Variants in POLR3C observed in about 807,000 individuals in gnomAD.
POLR3C encodes DNA-directed RNA polymerase III subunit RPC3.
In POLR3C, 44 loss-of-function variants were observed where a neutral mutation model predicts 65.9. The observed-to-expected ratio is 0.67, with a 90% CI of 0.52 to 0.86. The LOEUF (loss-of-function observed/expected upper bound fraction) is 0.86, where lower values mean the gene tolerates loss of function less well. POLR3C is among the 40% of genes least tolerant of loss of function. The probability of loss-of-function intolerance (pLI) is 0.00; values close to 1 mark genes in which losing one functional copy is unlikely to be tolerated. For missense variants in POLR3C, 576 were observed against 653.2 expected, an observed-to-expected ratio of 0.88 and a Z score of 1.29; for synonymous variants, 263 against 231.6, an observed-to-expected ratio of 1.14 and a Z score of -1.23.
intron 11 of POLR3C, 68 bp from the exon 12 acceptor site, chr1:145,839,822 T>A (rs1652147302): frequency 5.9e-6 from 5 of 841,452 alleles, no homozygotes; most frequent in Non-Finnish European, 1.0e-5. Context: ...CCAGGTAGAA[T>A]GAGTGTGTGC....
intron 1 of POLR3C, among the ~76,000 whole-genome samples, chr1:145,825,232 C>T (rs931125367): frequency 6.6e-6 from 1 of 152,172 alleles, no homozygotes; most frequent in East Asian, 1.9e-4. Context: ...TCTCAGCCTC[C>T]CTAGTAGCTG....
intron 13 of POLR3C, 110 bp downstream of exon 13, chr1:145,840,275 C>T (rs1652187105): frequency 1.4e-6 from 1 of 738,068 alleles, no homozygotes; most frequent in Non-Finnish European, 2.4e-6. Context: ...CAGGGTGGCT[C>T]ATGCCTGTAA....
chr1:145,841,573 T>C (rs1652296240), intron 14 of POLR3C, among the ~76,000 whole-genome samples: 1 of 152,264 alleles, frequency 6.6e-6, no homozygotes, highest in African/African-American at 2.4e-5. Flanking sequence ...TTTTTTTGGA[T>C]ACTAGTTTAG....
At chr1:145,826,368 C>A in intron 2 of POLR3C, 86 bp from the exon 3 acceptor site, 1 of 1,166,050 alleles carries the variant, frequency 8.6e-7, no homozygotes, top group Non-Finnish European at 1.3e-6. Context: ...CTGATGCTTA[C>A]TAAGCTGTTG....
In POLR3C at chr1:145,833,290, G is replaced by C. The variant is rs1413914008; in HGVS notation, c.709G>C (p.Ala237Pro). 1 of 1,612,882 alleles carries C rather than the reference G, an allele frequency of 6.2e-7. No homozygotes were observed. Among genetic ancestry groups the C allele is most frequent in the Non-Finnish European group, 8.5e-7 (1 of 1,179,094 alleles). Residue 237 changes from alanine to proline, a missense_variant, in exon 6 of 15, where the codon GCC (alanine) becomes CCC (proline). Ala to Pro is a conservative substitution (Grantham distance 27). Transcript: ENST00000334163. ...TCCAGATGATGGGATTTATTGGCAG[G>C]CCAACCTTGACAGATTCCACCAACA... The part of the protein sequence containing the change: ...PIPDDGIYWQ[A>P]NLDRFHQHFR...
At chr1:145,834,797 A>G (rs1039815255) in intron 7 of POLR3C, among the ~76,000 whole-genome samples, 2 of 152,132 alleles carry the variant, frequency 1.3e-5, no homozygotes, top group Admixed American at 6.5e-5. Context: ...AAAATGTTAT[A>G]TGGTGCATGA....
At chr1:145,825,430 A>G (rs782184758) in intron 1 of POLR3C, among the ~76,000 whole-genome samples, 12 of 152,196 alleles carry the variant, frequency 7.9e-5, no homozygotes, top group Non-Finnish European at 1.6e-4. Context: ...AATTTTCTAC[A>G]TGAATACGCA....
chr1:145,828,889 G>C, intron 5 of POLR3C, 52 bp downstream of exon 5: 1 of 957,370 alleles, frequency 1.0e-6, no homozygotes. Context: ...GCCAGAAAGA[G>C]CACTCAGATA....
chr1:145,844,299 G>A lies in POLR3C; in HGVS notation c.*1879G>A, dbSNP rs587760720. On this transcript the variant is annotated 3_prime_UTR_variant, in exon 15 of 15. Transcript: ENST00000334163. ...CAATAGATGAAAGGCTAAAGAAAAT[G>A]TATTATTCAGCCATAAGAATGAATG... Among the ~76,000 whole-genome samples, 1 of 152,272 alleles carries A rather than the reference G, an allele frequency of 6.6e-6. No individual in the cohort carries two copies. Among genetic ancestry groups the A allele is most frequent in the African/African-American group, 2.4e-5 (1 of 41,552 alleles).
Position 145,826,407 on chromosome 1 carries a change from A to G in POLR3C, c.148-47A>G, listed in dbSNP as rs148280903. 5.0e-4 allele frequency: 788 copies of G among 1,589,654 alleles called. 2 individuals carry two copies. The African/African-American group carries it at 9.3e-3, about 19-fold the overall frequency. On this transcript the variant is annotated intron_variant, in intron 2 of 14. Coordinates refer to ENST00000334163, the MANE Select transcript of POLR3C (RefSeq NM_006468.8). ...AAAAAATTGCCAGCAGTAATGAGCTATATCTTCAGGTCTTTCCTCTCTTTC... is the reference window on the plus strand; with the variant it reads ...AAAAAATTGCCAGCAGTAATGAGCTGTATCTTCAGGTCTTTCCTCTCTTTC...
At chr1:145,831,530 AAGAG>A (rs1372342662) in intron 5 of POLR3C, among the ~76,000 whole-genome samples, 39 of 151,408 alleles carry the variant, frequency 2.6e-4, no homozygotes, top group South Asian at 1.0e-3. Context: ...AAAAAAAAAA[AAGAG>A]AGAGTTCTAG....
Position 145,842,394 on chromosome 1 carries a change from A to G in POLR3C, c.1579A>G (p.Ile527Val). 2 of 1,610,160 alleles carry G rather than the reference A, an allele frequency of 1.2e-6. No individual in the cohort carries two copies. The highest frequency in any genetic ancestry group is 1.7e-6 in the Non-Finnish European group (2 of 1,176,804). The change falls in exon 15 of 15, where the codon ATT becomes GTT. Residue 527 changes from isoleucine (I) to valine (V), a missense_variant. Physicochemically the swap from Ile to Val is conservative, Grantham distance 29. Coordinates refer to ENST00000334163, the MANE Select transcript of POLR3C (RefSeq NM_006468.8). Reference protein sequence around the residue: ...DETIFLLESYIECTMKRQ With the variant: ...DETIFLLESYVECTMKRQ Reference sequence around the variant, plus strand: ...AACCATCTTCCTGCTGGAGTCTTACATTGAGTGCACCATGAAGAGACAGTG... The same window carrying G: ...AACCATCTTCCTGCTGGAGTCTTACGTTGAGTGCACCATGAAGAGACAGTG...
At chr1:145,838,779 T>A (rs587698217) in intron 11 of POLR3C, among the ~76,000 whole-genome samples, 1 of 152,314 alleles carries the variant, frequency 6.6e-6, no homozygotes, top group East Asian at 1.9e-4. Flanking sequence ...ATTTCTGTCC[T>A]TCCTTAAGCC....
chr1:145,840,633 A>C lies in POLR3C; in HGVS notation c.1374-289A>C, dbSNP rs1010277861. ...TCATTGGCTTAGATTAGTGTAAATC[A>C]TGCATTAGTCTACACTTTTCTAACA... is the stretch of plus-strand genomic sequence containing the variant. On this transcript the variant is annotated intron_variant, in intron 13 of 14. Coordinates refer to ENST00000334163, the MANE Select transcript of POLR3C (RefSeq NM_006468.8). 3.9e-5 allele frequency among the ~76,000 whole-genome samples: 6 copies of C among 152,202 alleles called. No individual in the cohort carries two copies. The East Asian group carries it at 9.6e-4, about 24-fold the overall frequency.
chr1:145,842,502 G>A lies in POLR3C; in HGVS notation c.*82G>A, dbSNP rs1174468724. ...GGTGCCTGGATGCATTATTTGCAGT[G>A]GGATAAGTCGCAGAGTCTTCAACTA... On this transcript the variant is annotated 3_prime_UTR_variant, in exon 15 of 15. Coordinates refer to ENST00000334163, the MANE Select transcript of POLR3C (RefSeq NM_006468.8). The A allele has an allele frequency of 2.2e-6, 2 of 919,452 alleles. No individual in the cohort carries two copies. Among genetic ancestry groups the A allele is most frequent in the East Asian group, 2.4e-5 (1 of 41,810 alleles). The allele number at this position is 919,452 out of a possible 1,614,324, so 57.0% of individuals were successfully genotyped here.
At chr1:145,840,303 G>C (rs1652189899) in intron 13 of POLR3C, 138 bp downstream of exon 13, 1 of 646,958 alleles carries the variant, frequency 1.5e-6, no homozygotes, top group South Asian at 1.8e-5. Flanking sequence ...ACTTCGGGAG[G>C]CTGAGGCAGG....
chr1:145,837,477 C>A, intron 9 of POLR3C, 59 bp from the exon 10 acceptor site: 2 of 817,606 alleles, frequency 2.4e-6, no homozygotes, highest in Non-Finnish European at 3.9e-6. Flanking sequence ...AGGAATAAAA[C>A]TCAGATCACA....
At chr1:145,837,635 C>T (rs1263187650) in intron 10 of POLR3C, 39 bp downstream of exon 10, 1 of 1,270,388 alleles carries the variant, frequency 7.9e-7, no homozygotes, top group Non-Finnish European at 1.1e-6. Flanking sequence ...TCACATACTT[C>T]CTATCCCCAG....
chr1:145,838,246 C>T (rs1553729385), intron 11 of POLR3C, 40 bp downstream of exon 11: 4 of 1,584,702 alleles, frequency 2.5e-6, no homozygotes, highest in African/African-American at 1.3e-5. Context: ...ACCAGCAAAG[C>T]TGGCCTAGGG....
Sources: gnomAD v4.1 joint callset for allele counts (sites outside exome capture counted in the v4.1 genomes callset) on GRCh38, gnomAD v4.1.1 for gene constraint, MANE v1.5 for transcripts, NCBI Gene and HGNC (gene_info 2026-07-23, HGNC 2026-07-21) for gene names.